The following SH3RF2 variants were observed in gnomAD, a reference collection of about 807,000 sequenced individuals.
The protein encoded by SH3RF2 is E3 ubiquitin-protein ligase SH3RF2.
Under a neutral mutation model 59.0 loss-of-function variants are expected in SH3RF2, and 43 were observed. That is an observed-to-expected ratio of 0.73 (90% CI 0.57 to 0.94). The LOEUF is 0.94. SH3RF2 is among the 40% of genes least tolerant of loss of function. The probability of loss-of-function intolerance (pLI) is 0.00; values close to 1 mark genes in which losing one functional copy is unlikely to be tolerated. For synonymous variants in SH3RF2, 391 were observed against 391.5 expected (o/e 1.00, Z 0.01); for missense variants, 930 against 940.1 (o/e 0.99, Z 0.14).
chr5:146,081,372 A>C (rs1001812000), exon 10 of SH3RF2: 2 of 151,924 alleles, frequency 1.3e-5, no homozygotes, highest in Non-Finnish European at 2.9e-5. Context: ...ACCACTTTCT[A>C]CCATCGGTTT....
chr5:145,971,422 G>A (rs1400494872), intron 2 of SH3RF2, among the ~76,000 whole-genome samples: 2 of 152,138 alleles, frequency 1.3e-5, no homozygotes, highest in African/African-American at 2.4e-5. Flanking sequence ...CCTACCTGTG[G>A]GCATTTCACC....
chr5:146,039,064 G>T (rs1762039576), intron 5 of SH3RF2, among the ~76,000 whole-genome samples: 1 of 152,208 alleles, frequency 6.6e-6, no homozygotes, highest in Non-Finnish European at 1.5e-5. Context: ...CAGAAGGGAA[G>T]GATGAACTAT....
At chr5:145,994,489 C>T (rs924531663) in intron 2 of SH3RF2, among the ~76,000 whole-genome samples, 1 of 152,174 alleles carries the variant, frequency 6.6e-6, no homozygotes, top group Non-Finnish European at 1.5e-5. Context: ...CTTACAGTTC[C>T]ACATGGATGG....
At position 146,027,455 on chromosome 5, in the gene SH3RF2, A is replaced by G. The variant is rs1489821133; in HGVS notation, c.1059+13394A>G. Among the ~76,000 whole-genome samples the G allele has an allele frequency of 2.0e-5, 3 of 152,222 alleles. No individual in the cohort carries two copies. In the East Asian group the frequency reaches 5.8e-4, roughly 29 times the overall value. On this transcript the variant is annotated intron_variant, in intron 5 of 9. Transcript: ENST00000359120. ...GTGAACCAGTCAACAGAGTTGTCGA[A>G]TGCCCACCAGGCACTGAGCTGGGCA...
At chr5:146,056,287 C>T (rs1762670129) in intron 8 of SH3RF2, 74 bp downstream of exon 8, 5 of 1,595,466 alleles carry the variant, frequency 3.1e-6, no homozygotes, top group Non-Finnish European at 4.3e-6. Flanking sequence ...ACACAGGATG[C>T]TTTTTGCAAA....
intron 5 of SH3RF2, among the ~76,000 whole-genome samples, chr5:146,028,124 G>A (rs895246730): frequency 5.9e-4 from 87 of 148,472 alleles, no homozygotes; most frequent in African/African-American, 2.1e-3. Flanking sequence ...TGGGAGCTGG[G>A]AGCAGGGGAC....
chr5:146,036,438 T>C (rs6884430), intron 5 of SH3RF2, among the ~76,000 whole-genome samples: 7,246 of 152,244 alleles, frequency 0.048, 573 homozygotes, highest in African/African-American at 0.17. Context: ...CTCACGCCTG[T>C]AATCCCAGCA....
intron 7 of SH3RF2, chr5:146,050,111 G>A (rs980827811): frequency 1.3e-5 from 2 of 152,274 alleles, no homozygotes; most frequent in Non-Finnish European, 2.9e-5. Flanking sequence ...CACGTCCGGA[G>A]GAGGGCAGCA....
intron 2 of SH3RF2, among the ~76,000 whole-genome samples, chr5:145,998,997 T>A (rs1003337828): frequency 6.8e-6 from 1 of 147,624 alleles, no homozygotes; most frequent in Admixed American, 7.0e-5. Context: ...AAACAATATA[T>A]CTAACTTAAT....
Position 146,000,054 on chromosome 5 carries a change from G to T in SH3RF2, c.379-4G>T. 1 of 1,612,024 alleles carries T rather than the reference G, an allele frequency of 6.2e-7. No homozygotes were observed. Among genetic ancestry groups the T allele is most frequent in the Non-Finnish European group, 8.5e-7 (1 of 1,179,202 alleles). On this transcript the variant is annotated splice_polypyrimidine_tract_variant and splice_region_variant and intron_variant, in intron 2 of 9. Transcript: ENST00000359120. ...ACATATCTTATTGGTCTGTGCCATTGCAGGTGCCTCGAGCAAAGGCCTTAT... is the reference window on the plus strand; with the variant it reads ...ACATATCTTATTGGTCTGTGCCATTTCAGGTGCCTCGAGCAAAGGCCTTAT...
At position 146,063,117 on chromosome 5, in the gene SH3RF2, C is replaced by A. The variant is rs1300850091; in HGVS notation, c.*416C>A. 5.4e-6 allele frequency: 1 copy of A among 184,968 alleles called. No individual in the cohort carries two copies. The highest frequency in any genetic ancestry group is 1.1e-5 in the Non-Finnish European group (1 of 89,762). 11.5% of individuals were successfully genotyped at this position (184,968 alleles called of 1,614,324 possible). A position where few individuals can be genotyped will look rare whatever the true frequency, so the allele number is the denominator to read the frequency against. ...TTCTTTGACCTTACAATATCCTCAA[C>A]AAGCATTAGAACAACTTCTGCCATC... On this transcript the variant is annotated 3_prime_UTR_variant, in exon 10 of 10. Coordinates refer to ENST00000359120, the MANE Select transcript of SH3RF2 (RefSeq NM_152550.4).
At chr5:145,966,761 C>T (rs1758872927) in intron 2 of SH3RF2, among the ~76,000 whole-genome samples, 4 of 152,156 alleles carry the variant, frequency 2.6e-5, no homozygotes, top group Admixed American at 2.6e-4. Flanking sequence ...GTGATTCATG[C>T]CTGTAATCCC....
At chr5:146,058,900 C>G (rs1762777126) in intron 8 of SH3RF2, among the ~76,000 whole-genome samples, 1 of 148,840 alleles carries the variant, frequency 6.7e-6, no homozygotes, top group African/African-American at 2.5e-5. Context: ...AAAAGAAAAA[C>G]AATGAGCTCA....
intron 5 of SH3RF2, among the ~76,000 whole-genome samples, chr5:146,024,749 A>G (rs1761465475): frequency 6.6e-6 from 1 of 152,214 alleles, no homozygotes; most frequent in Non-Finnish European, 1.5e-5. Context: ...ATAGGGATCC[A>G]GATGCATTCT....
rs371098287 is a variant in SH3RF2, at chr5:146,076,463, T to C, written c.*34-1997T>C. ...CCTTCCTTTTGAGGGCTAAAATTGG[T>C]AAATAACAAAATGAACCCCCCGCCC... On this transcript the variant is annotated intron_variant, in intron 9 of 9. Coordinates refer to the SH3RF2 transcript ENST00000511217. Among the ~76,000 whole-genome samples the C allele has an allele frequency of 7.9e-4, 120 of 152,192 alleles. 5 individuals are homozygous for C. The South Asian group carries it at 0.023, about 29-fold the overall frequency.
intron 7 of SH3RF2, among the ~76,000 whole-genome samples, chr5:146,054,793 G>A (rs1007188582): frequency 2.0e-5 from 3 of 152,178 alleles, no homozygotes; most frequent in African/African-American, 7.2e-5. Flanking sequence ...GAGAAATGAG[G>A]GTAAATGACC....
chr5:146,057,883 C>A (rs2150020595), intron 8 of SH3RF2, among the ~76,000 whole-genome samples: 1 of 151,636 alleles, frequency 6.6e-6, no homozygotes, highest in South Asian at 2.1e-4. Context: ...GTTGAGACTG[C>A]AGTGAGCTAC....
intron 2 of SH3RF2, among the ~76,000 whole-genome samples, chr5:145,998,981 C>G (rs1760280963): frequency 6.6e-6 from 1 of 151,754 alleles, no homozygotes; most frequent in South Asian, 2.1e-4. Context: ...TAGCATTATG[C>G]CTAAAAAACA....
chr5:146,031,908 A>G (rs1387570331), intron 5 of SH3RF2, among the ~76,000 whole-genome samples: 1 of 152,108 alleles, frequency 6.6e-6, no homozygotes, highest in Non-Finnish European at 1.5e-5. Context: ...CCAGGTATAT[A>G]AGACCCACCC....
Sources: allele counts gnomAD v4.1 joint callset (sites outside exome capture counted in the v4.1 genomes callset), GRCh38; gene constraint gnomAD v4.1.1; transcripts MANE v1.5; gene names NCBI Gene and HGNC (gene_info 2026-07-23, HGNC 2026-07-21).